Variants in PID1 observed in about 807,000 individuals in gnomAD.
PID1 encodes the protein phosphotyrosine interaction domain containing 1.
A neutral mutation model predicts 19.1 loss-of-function variants in PID1; 10 were observed. That is an observed-to-expected ratio of 0.52 (90% confidence interval 0.32 to 0.89). PID1 has a LOEUF of 0.89. PID1 is among the 40% of genes least tolerant of loss of function. The probability of loss-of-function intolerance (pLI) is 0.03; values close to 1 mark genes in which losing one functional copy is unlikely to be tolerated. For synonymous variants in PID1, 130 were observed against 116.0 expected (o/e 1.12, Z -0.78); for missense variants, 248 against 285.3 (o/e 0.87, Z 0.94).
intron 1 of PID1, among the ~76,000 whole-genome samples, chr2:229,267,837 T>A (rs1382345620): frequency 6.6e-6 from 1 of 152,162 alleles, no homozygotes; most frequent in Non-Finnish European, 1.5e-5. Context: ...AGGGTTTTTA[T>A]TTGTTCAGAA....
chr2:229,059,617 G>C (rs1431324570), intron 2 of PID1, among the ~76,000 whole-genome samples: 2 of 152,098 alleles, frequency 1.3e-5, no homozygotes, highest in Non-Finnish European at 2.9e-5. Context: ...TATGATACAG[G>C]AATTCAAAAC....
intron 1 of PID1, among the ~76,000 whole-genome samples, chr2:229,178,881 G>A (rs1574695310): frequency 6.6e-6 from 1 of 152,078 alleles, no homozygotes; most frequent in Non-Finnish European, 1.5e-5. Context: ...CACAAGTCAA[G>A]AGAAGGAAGG....
chr2:229,206,481 T>C (rs1691611337), intron 1 of PID1, among the ~76,000 whole-genome samples: 1 of 152,102 alleles, frequency 6.6e-6, no homozygotes, highest in East Asian at 1.9e-4. Flanking sequence ...AGTTTATAAA[T>C]TCTCCCCACT....
At chr2:229,170,449 C>T (rs748286970) in intron 1 of PID1, among the ~76,000 whole-genome samples, 1 of 152,084 alleles carries the variant, frequency 6.6e-6, no homozygotes. Flanking sequence ...GGCACATGCA[C>T]GCATTTACAA....
intron 2 of PID1, among the ~76,000 whole-genome samples, chr2:229,143,737 G>C (rs1010031494): frequency 6.6e-6 from 1 of 152,036 alleles, no homozygotes; most frequent in South Asian, 2.1e-4. Flanking sequence ...TACTGTTCTC[G>C]TGATAGTGAG....
chr2:229,079,188 G>A (rs564815105), intron 2 of PID1, among the ~76,000 whole-genome samples: 1 of 152,218 alleles, frequency 6.6e-6, no homozygotes, highest in East Asian at 1.9e-4. Flanking sequence ...GATGAGTATC[G>A]GTCTAAGTCG....
At chr2:229,154,610 A>G (rs17614173) in intron 2 of PID1, among the ~76,000 whole-genome samples, 45,409 of 152,084 alleles carry the variant, frequency 0.3, 7,576 homozygotes, top group East Asian at 0.69. Flanking sequence ...GCATACCACC[A>G]TCACCCAAGA....
rs566400700 is a variant in PID1, at chr2:229,182,245, T to C, written c.31-26281A>G. On this transcript the variant is annotated intron_variant, in intron 1 of 2. Coordinates refer to ENST00000392055, the MANE Select transcript of PID1 (RefSeq NM_001100818.2). Reference sequence around the variant, plus strand: ...TGTATCAGTGCAGGTTCATGAAACATAACAAATGTGCCCCTCTGGTCCTCT... The same window carrying C: ...TGTATCAGTGCAGGTTCATGAAACACAACAAATGTGCCCCTCTGGTCCTCT... Among the ~76,000 whole-genome samples, 3 of 150,364 alleles carry C rather than the reference T, an allele frequency of 2.0e-5. No individual in the cohort carries two copies. In the South Asian group the frequency reaches 6.7e-4, roughly 34 times the overall value.
intron 2 of PID1, among the ~76,000 whole-genome samples, chr2:229,066,949 T>C (rs1450556195): frequency 6.6e-6 from 1 of 152,166 alleles, no homozygotes; most frequent in African/African-American, 2.4e-5. Flanking sequence ...CCATCGTTAC[T>C]ATCTTAGACT....
chr2:229,246,235 C>T (rs1390480017), intron 1 of PID1, among the ~76,000 whole-genome samples: 10 of 152,082 alleles, frequency 6.6e-5, no homozygotes, highest in Admixed American at 5.9e-4. Flanking sequence ...AGCCAGCCTA[C>T]CAGAAGGAAA....
intron 2 of PID1, among the ~76,000 whole-genome samples, chr2:229,149,674 T>A (rs770139742): frequency 5.9e-5 from 9 of 152,182 alleles, no homozygotes; most frequent in Non-Finnish European, 1.3e-4. Flanking sequence ...GGAAACTGGT[T>A]TGTTTGACAG....
chr2:229,043,710 T>A (rs1693818849), intron 2 of PID1, among the ~76,000 whole-genome samples: 1 of 152,180 alleles, frequency 6.6e-6, no homozygotes, highest in Admixed American at 6.5e-5. Flanking sequence ...AGCAGCACAT[T>A]ACTAGCAGGG....
At chr2:229,164,409 A>T (rs938840947) in intron 1 of PID1, among the ~76,000 whole-genome samples, 2 of 152,184 alleles carry the variant, frequency 1.3e-5, no homozygotes, top group African/African-American at 2.4e-5. Context: ...ATAATAATAT[A>T]ACACAATATA....
intron 1 of PID1, among the ~76,000 whole-genome samples, chr2:229,163,504 T>TC (rs907140104): frequency 2.6e-5 from 4 of 151,584 alleles, no homozygotes; most frequent in African/African-American, 7.3e-5. Flanking sequence ...TGGAAGCATT[T>TC]TTTTTTTTAC....
chr2:229,225,828 A>G (rs1692066555), intron 1 of PID1, among the ~76,000 whole-genome samples: 1 of 152,106 alleles, frequency 6.6e-6, no homozygotes, highest in South Asian at 2.1e-4. Context: ...AAACCATCAG[A>G]TCTCGTGAGA....
intron 2 of PID1, among the ~76,000 whole-genome samples, chr2:229,028,929 C>T (rs1025027325): frequency 3.9e-5 from 6 of 152,162 alleles, no homozygotes; most frequent in Middle Eastern, 3.2e-3. Flanking sequence ...TACTAATAAG[C>T]GGCTCACTCA....
chr2:229,129,857 C>T (rs1574652271), intron 2 of PID1, among the ~76,000 whole-genome samples: 3 of 152,132 alleles, frequency 2.0e-5, no homozygotes, highest in Admixed American at 2.0e-4. Context: ...GGCTTCTAGT[C>T]GTGTTCACAT....
chr2:229,179,531 C>G (rs1168320562), intron 1 of PID1, among the ~76,000 whole-genome samples: 2 of 152,064 alleles, frequency 1.3e-5, no homozygotes, highest in Admixed American at 1.3e-4. Flanking sequence ...GTAAAAGATG[C>G]CCTCAAATTT....
At chr2:229,164,180 T>C (rs1690552771) in intron 1 of PID1, among the ~76,000 whole-genome samples, 1 of 152,182 alleles carries the variant, frequency 6.6e-6, no homozygotes, top group African/African-American at 2.4e-5. Context: ...TTATAGTCAT[T>C]GTATGCCTTA....
Sources: allele counts gnomAD v4.1 joint callset (sites outside exome capture counted in the v4.1 genomes callset), GRCh38; gene constraint gnomAD v4.1.1; transcripts MANE v1.5; gene names NCBI Gene and HGNC (gene_info 2026-07-23, HGNC 2026-07-21).